The following MTUS2 variants were observed in gnomAD, a reference collection of about 807,000 sequenced individuals.
The protein encoded by MTUS2 is microtubule-associated tumor suppressor candidate 2.
In MTUS2, 40 loss-of-function variants were observed where a neutral mutation model predicts 114.1. The ratio of observed to expected loss-of-function variants is 0.35; its 90% CI spans 0.27 to 0.46. The LOEUF is 0.46. Ranked by LOEUF, MTUS2 falls within the 20% of genes least tolerant of loss-of-function variation. The probability of loss-of-function intolerance (pLI) is 1.00; values close to 1 mark genes in which losing one functional copy is unlikely to be tolerated. For missense variants in MTUS2, 1,679 were observed against 1,705.4 expected (o/e 0.98, Z 0.27); for synonymous variants, 688 against 672.0 (o/e 1.02, Z -0.37).
chr13:29,129,997 T>C (rs1359990632), intron 5 of MTUS2, among the ~76,000 whole-genome samples: 3 of 152,144 alleles, frequency 2.0e-5, no homozygotes, highest in Non-Finnish European at 4.4e-5. Context: ...ATTGCTGTCA[T>C]GGAGCCTTCA....
intron 8 of MTUS2, among the ~76,000 whole-genome samples, chr13:29,387,811 C>T (rs1262702025): frequency 6.6e-6 from 1 of 152,176 alleles, no homozygotes; most frequent in Admixed American, 6.5e-5. Flanking sequence ...CTTACTGAGA[C>T]TGGCAGCCTC....
At chr13:29,135,733 T>C (rs1253683417) in intron 5 of MTUS2, among the ~76,000 whole-genome samples, 1 of 152,200 alleles carries the variant, frequency 6.6e-6, no homozygotes, top group African/African-American at 2.4e-5. Context: ...TGAGATTACA[T>C]TTAACATCCT....
chr13:28,894,309 GGGGGGAGGGAGGGAGGGA>G (rs1879123607), intron 2 of MTUS2, among the ~76,000 whole-genome samples: 2 of 32,552 alleles, frequency 6.1e-5, no homozygotes, highest in African/African-American at 3.1e-4. Context: ...AGAGAGGGGG[GGGGGGAGGGAGGGAGGGA>G]GGGAGAGAGA....
At chr13:28,962,203 A>G (rs766432643) in intron 2 of MTUS2, among the ~76,000 whole-genome samples, 2 of 152,026 alleles carry the variant, frequency 1.3e-5, no homozygotes, top group African/African-American at 4.8e-5. Flanking sequence ...AAAAGCGTGT[A>G]TGTGTATATA....
At chr13:29,170,666 C>T (rs1041137032) in intron 5 of MTUS2, among the ~76,000 whole-genome samples, 6 of 152,232 alleles carry the variant, frequency 3.9e-5, no homozygotes, top group South Asian at 2.1e-4. Flanking sequence ...CCAAATGGGG[C>T]GGGGCATTTG....
intron 2 of MTUS2, among the ~76,000 whole-genome samples, chr13:28,940,672 A>G (rs1316922647): frequency 3.3e-5 from 5 of 152,212 alleles, no homozygotes; most frequent in East Asian, 1.9e-4. Flanking sequence ...TGAGAGTTCA[A>G]TAGTGAGTTT....
chr13:29,172,096 G>A (rs1893587476), intron 5 of MTUS2, among the ~76,000 whole-genome samples: 1 of 152,178 alleles, frequency 6.6e-6, no homozygotes. Flanking sequence ...TGTGAAGCTT[G>A]GAGAGAAAAG....
At chr13:28,920,975 G>T (rs908386787) in intron 2 of MTUS2, among the ~76,000 whole-genome samples, 1 of 152,206 alleles carries the variant, frequency 6.6e-6, no homozygotes, top group African/African-American at 2.4e-5. Flanking sequence ...CCCAAGGCAG[G>T]TCCAGAAATG....
chr13:29,501,273 C>G, intron 15 of MTUS2, 79 bp downstream of exon 15: 1 of 1,082,936 alleles, frequency 9.2e-7, no homozygotes, highest in Non-Finnish European at 1.4e-6. Context: ...TTCCCTCACT[C>G]TGGCCTGTGA....
intron 5 of MTUS2, among the ~76,000 whole-genome samples, chr13:29,205,602 T>A (rs1326026405): frequency 1.3e-5 from 2 of 152,216 alleles, no homozygotes; most frequent in African/African-American, 4.8e-5. Context: ...ATTGTATCAT[T>A]CTTATGCCTT....
At chr13:28,960,652 C>A (rs953631988) in intron 2 of MTUS2, among the ~76,000 whole-genome samples, 1 of 152,070 alleles carries the variant, frequency 6.6e-6, no homozygotes, top group Non-Finnish European at 1.5e-5. Context: ...CTAGAATAGG[C>A]AAATCTATAA....
chr13:29,171,723 G>A (rs1443547197), intron 5 of MTUS2, among the ~76,000 whole-genome samples: 1 of 152,144 alleles, frequency 6.6e-6, no homozygotes, highest in African/African-American at 2.4e-5. Flanking sequence ...TATATGGCAT[G>A]GTGTTAGGGA....
At chr13:29,418,303 G>T (rs936891159) in intron 8 of MTUS2, among the ~76,000 whole-genome samples, 3 of 152,040 alleles carry the variant, frequency 2.0e-5, no homozygotes, top group African/African-American at 7.2e-5. Flanking sequence ...CTTGAGGAAG[G>T]GATTTCCTCA....
At chr13:29,384,214 T>C (rs1036860456) in intron 8 of MTUS2, among the ~76,000 whole-genome samples, 5 of 152,226 alleles carry the variant, frequency 3.3e-5, no homozygotes, top group African/African-American at 7.2e-5. Context: ...GAAGAAACTT[T>C]CGTAGTGCAA....
At chr13:29,206,287 C>T (rs1895181595) in intron 5 of MTUS2, among the ~76,000 whole-genome samples, 1 of 152,066 alleles carries the variant, frequency 6.6e-6, no homozygotes, top group Non-Finnish European at 1.5e-5. Flanking sequence ...ATTTGAGTTT[C>T]TCATAGATTC....
At chr13:29,320,030 T>C (rs1022252281) in intron 6 of MTUS2, among the ~76,000 whole-genome samples, 1 of 152,158 alleles carries the variant, frequency 6.6e-6, no homozygotes, top group African/African-American at 2.4e-5. Flanking sequence ...CATGTATGAA[T>C]CACCAGAACC....
chr13:28,904,263 A>C (rs1440204383), intron 2 of MTUS2, among the ~76,000 whole-genome samples: 9 of 152,034 alleles, frequency 5.9e-5, no homozygotes, highest in Admixed American at 2.0e-4. Context: ...TCTTTAGTTT[A>C]ATTAGATTCC....
rs190139958 is a variant in MTUS2, at chr13:29,042,637, A to G, written c.2446+8512A>G. 5.9e-5 allele frequency among the ~76,000 whole-genome samples: 9 copies of G among 152,060 alleles called. No individual in the cohort carries two copies. The East Asian group carries it at 7.7e-4, about 13-fold the overall frequency. ...GGCAATTTTTTTTATTATCATTTCA[A>G]TCTTGCTGCTTATTACTGGTCTGTT... is the stretch of plus-strand genomic sequence containing the variant. On this transcript the variant is annotated intron_variant, in intron 4 of 15. Transcript: ENST00000612955.
intron 7 of MTUS2, among the ~76,000 whole-genome samples, chr13:29,358,670 C>T (rs909304638): frequency 4.6e-5 from 7 of 152,056 alleles, no homozygotes; most frequent in Non-Finnish European, 1.0e-4. Flanking sequence ...ATGGAGGAGG[C>T]GTCAAGTCAC....
Sources: allele counts gnomAD v4.1 joint callset (sites outside exome capture counted in the v4.1 genomes callset), GRCh38; gene constraint gnomAD v4.1.1; transcripts MANE v1.5; gene names NCBI Gene and HGNC (gene_info 2026-07-23, HGNC 2026-07-21).